FBXL17: variants seen among roughly 807,000 people sequenced by gnomAD.
The protein encoded by FBXL17 is F-box and leucine rich repeat protein 17.
Under a neutral mutation model 66.2 loss-of-function variants are expected in FBXL17, and 22 were observed. The observed-to-expected ratio is 0.33, with a 90% CI of 0.24 to 0.47. The LOEUF (loss-of-function observed/expected upper bound fraction) is 0.47. Ranked by LOEUF, FBXL17 falls within the 20% of genes least tolerant of loss-of-function variation. The pLI, the probability that FBXL17 is intolerant of heterozygous loss-of-function variation, is 1.00. For synonymous variants in FBXL17, 474 were observed against 400.5 expected, an observed-to-expected ratio of 1.18 and a Z score of -2.19; for missense variants, 878 against 948.2, an observed-to-expected ratio of 0.93 and a Z score of 0.97.
At position 108,381,066 on chromosome 5, in the gene FBXL17, G is replaced by C; in HGVS notation, c.626C>G (p.Pro209Arg). 1 of 1,224,630 alleles carries C rather than the reference G, an allele frequency of 8.2e-7. No individual in the cohort carries two copies. Among genetic ancestry groups the C allele is most frequent in the Non-Finnish European group, 1.0e-6 (1 of 983,510 alleles). 75.9% of individuals were successfully genotyped at this position (1,224,630 alleles called of 1,614,324 possible). Reference sequence around the variant, plus strand: ...GCCGCCGCAGCGGGGCTGCTTGCAGGGGGTGCAGGCGGGGACCCCGGCCCC... The same window carrying C: ...GCCGCCGCAGCGGGGCTGCTTGCAGCGGGTGCAGGCGGGGACCCCGGCCCC... Reference protein sequence around the residue: ...RKGAGVPACTPCKQPRCGGGG... With the variant: ...RKGAGVPACTRCKQPRCGGGG... The change falls in exon 1 of 9, where the codon CCC (proline) becomes CGC (arginine). Residue 209 changes from proline (P) to arginine (R), a missense_variant. By Grantham distance (103) the Pro-to-Arg change is moderately radical. This residue lies in a region of FBXL17 where 605 missense variants were observed against 509.5 expected (regional missense o/e 1.19). Coordinates refer to ENST00000542267, the MANE Select transcript of FBXL17 (RefSeq NM_001163315.3).
chr5:108,177,464 C>T (rs538085282), intron 6 of FBXL17, among the ~76,000 whole-genome samples: 74 of 152,220 alleles, frequency 4.9e-4, no homozygotes, highest in Non-Finnish European at 8.5e-4. Context: ...TCAACCATGT[C>T]TGATGTCTGA....
At chr5:108,097,785 G>GAA (rs3040018) in intron 6 of FBXL17, among the ~76,000 whole-genome samples, 76,759 of 143,336 alleles carry the variant, frequency 0.54, 20,589 homozygotes, top group East Asian at 0.76. Flanking sequence ...CGAGACTCCA[G>GAA]AAAAAAAAAA....
intron 4 of FBXL17, among the ~76,000 whole-genome samples, chr5:108,225,654 G>C (rs1223099624): frequency 2.6e-5 from 4 of 152,154 alleles, no homozygotes; most frequent in African/African-American, 9.7e-5. Flanking sequence ...GGACTTCCAG[G>C]CTCTAGAACT....
intron 7 of FBXL17, among the ~76,000 whole-genome samples, chr5:107,992,658 T>C (rs538971015): frequency 6.6e-6 from 1 of 152,234 alleles, no homozygotes; most frequent in South Asian, 2.1e-4. Flanking sequence ...TCAAGGAAAA[T>C]TTTAAACATA....
chr5:108,204,551 A>G (rs1474412970), intron 5 of FBXL17, among the ~76,000 whole-genome samples: 2 of 152,182 alleles, frequency 1.3e-5, no homozygotes, highest in Non-Finnish European at 2.9e-5. Flanking sequence ...ATAAACACAC[A>G]AGAGATTTGT....
chr5:108,062,439 A>ATATCAATT (rs1293342650), intron 6 of FBXL17, among the ~76,000 whole-genome samples: 21 of 152,126 alleles, frequency 1.4e-4, no homozygotes, highest in African/African-American at 4.3e-4. Context: ...AATTAAAAAG[A>ATATCAATT]ACACAAAACT....
intron 6 of FBXL17, among the ~76,000 whole-genome samples, chr5:108,101,575 T>C (rs1236419949): frequency 6.6e-6 from 1 of 152,256 alleles, no homozygotes; most frequent in Non-Finnish European, 1.5e-5. Flanking sequence ...GAAAATGGCT[T>C]TTGAACTAAA....
intron 3 of FBXL17, among the ~76,000 whole-genome samples, chr5:108,355,323 A>G (rs983896516): frequency 1.3e-4 from 19 of 151,372 alleles, no homozygotes; most frequent in African/African-American, 4.6e-4. Flanking sequence ...ACAATCTCAC[A>G]CTGCCCCTAG....
At chr5:108,353,385 G>A (rs930167054) in intron 3 of FBXL17, among the ~76,000 whole-genome samples, 1 of 152,170 alleles carries the variant, frequency 6.6e-6, no homozygotes, top group Non-Finnish European at 1.5e-5. Context: ...GAGGCACAGC[G>A]TGGATAAGTC....
At chr5:108,221,871 T>C (rs1261043808) in intron 5 of FBXL17, among the ~76,000 whole-genome samples, 1 of 152,194 alleles carries the variant, frequency 6.6e-6, no homozygotes, top group Non-Finnish European at 1.5e-5. Flanking sequence ...AACCGATGCA[T>C]GTATAAAATG....
chr5:108,226,307 T>C (rs1755097991), intron 4 of FBXL17, among the ~76,000 whole-genome samples: 1 of 152,212 alleles, frequency 6.6e-6, no homozygotes, highest in African/African-American at 2.4e-5. Context: ...CCCTGGCACT[T>C]AGTAGAAAAT....
intron 4 of FBXL17, among the ~76,000 whole-genome samples, chr5:108,334,038 C>A (rs574413985): frequency 3.0e-4 from 46 of 152,232 alleles, no homozygotes; most frequent in South Asian, 8.3e-4. Context: ...AAAGCCTGAC[C>A]TACAGTGCTA....
Position 107,874,868 on chromosome 5 carries a change from A to T in FBXL17, c.1965+6169T>A, listed in dbSNP as rs540731563. On this transcript the variant is annotated intron_variant, in intron 8 of 8. Coordinates refer to ENST00000542267, the MANE Select transcript of FBXL17 (RefSeq NM_001163315.3). ...GTGCTCCTATGTGAAAATCACCTGG[A>T]GAAACTGTTTCATCAGCAAAAGGAA... Among the ~76,000 whole-genome samples the T allele has an allele frequency of 1.1e-3, 161 of 152,332 alleles. 1 individual carries two copies. The highest frequency in any genetic ancestry group is 6.8e-3 in the Middle Eastern group (2 of 294).
rs1750003155 is a variant in FBXL17, at chr5:108,381,967, C to T, written c.-276G>A. Reference sequence around the variant, plus strand: ...GACGCGAGGGAGGGAGCGAGCGAGCCTGCCGGCTAGGCGACCAGTCCGGGC... The same window carrying T: ...GACGCGAGGGAGGGAGCGAGCGAGCTTGCCGGCTAGGCGACCAGTCCGGGC... On this transcript the variant is annotated 5_prime_UTR_variant, in exon 1 of 9. Coordinates refer to ENST00000542267, the MANE Select transcript of FBXL17 (RefSeq NM_001163315.3). The T allele has an allele frequency of 1.6e-6, 2 of 1,227,154 alleles. No individual in the cohort carries two copies. Among genetic ancestry groups the T allele is most frequent in the Non-Finnish European group, 2.0e-6 (2 of 982,174 alleles). 76.0% of individuals were successfully genotyped at this position (1,227,154 alleles called of 1,614,324 possible).
At chr5:108,247,979 C>A (rs1391271419) in intron 4 of FBXL17, among the ~76,000 whole-genome samples, 1 of 152,102 alleles carries the variant, frequency 6.6e-6, no homozygotes, top group African/African-American at 2.4e-5. Context: ...TTCCTTGGGG[C>A]TTTTTTATCT....
intron 7 of FBXL17, among the ~76,000 whole-genome samples, chr5:108,018,262 C>G (rs914272567): frequency 6.6e-6 from 1 of 152,042 alleles, no homozygotes; most frequent in African/African-American, 2.4e-5. Context: ...TCAAAAAGTC[C>G]TATAGAATAT....
chr5:107,995,976 A>G (rs1312710646), intron 7 of FBXL17, among the ~76,000 whole-genome samples: 2 of 152,178 alleles, frequency 1.3e-5, no homozygotes, highest in Non-Finnish European at 2.9e-5. Flanking sequence ...ATACACCTCA[A>G]CAGATCTATT....
At chr5:107,882,404 G>A (rs1288493562) in intron 7 of FBXL17, among the ~76,000 whole-genome samples, 1 of 151,490 alleles carries the variant, frequency 6.6e-6, no homozygotes, top group Non-Finnish European at 1.5e-5. Flanking sequence ...CAGTAGGAAA[G>A]CACTCCCAAG....
chr5:108,338,066 A>G (rs111669884), intron 4 of FBXL17, among the ~76,000 whole-genome samples: 14 of 152,222 alleles, frequency 9.2e-5, no homozygotes, highest in African/African-American at 3.4e-4. Context: ...TGTATATATT[A>G]GTGTCCTGCA....
Sources: allele counts gnomAD v4.1 joint callset (sites outside exome capture counted in the v4.1 genomes callset), GRCh38; gene constraint gnomAD v4.1.1; regional missense constraint gnomAD v4.1.1; transcripts MANE v1.5; gene names NCBI Gene and HGNC (gene_info 2026-07-23, HGNC 2026-07-21).